Variants in MAST2 observed in about 807,000 individuals in gnomAD.
The protein encoded by MAST2 is microtubule-associated serine/threonine-protein kinase 2.
A neutral mutation model predicts 147.4 loss-of-function variants in MAST2; 70 were observed. The observed-to-expected ratio is 0.47, with a 90% CI of 0.39 to 0.58. The LOEUF is 0.58. Ranked by LOEUF, MAST2 falls within the 20% of genes least tolerant of loss-of-function variation. MAST2 has a pLI of 0.00. For synonymous variants in MAST2, 869 were observed against 896.8 expected (o/e 0.97, Z 0.55); for missense variants, 2,080 against 2,302.3 (o/e 0.90, Z 1.98).
Position 46,032,730 on chromosome 1 carries a change from G to GC in MAST2, c.3537+13dup. 6.2e-7 allele frequency: 1 copy of GC among 1,609,940 alleles called. No individual in the cohort carries two copies. Among genetic ancestry groups the GC allele is most frequent in the Non-Finnish European group, 8.5e-7 (1 of 1,177,362 alleles). On this transcript the variant is annotated intron_variant, in intron 26 of 28. Coordinates refer to ENST00000361297, the MANE Select transcript of MAST2 (RefSeq NM_015112.3). Reference sequence around the variant, plus strand: ...AGCTGATCCTGAAGGTTAGTGCTGGGCGTGCTGCCTGCATGGTCCCTGAAT... The same window carrying GC: ...AGCTGATCCTGAAGGTTAGTGCTGGGCCGTGCTGCCTGCATGGTCCCTGAAT...
At chr1:46,008,980 A>G (rs908756496) in intron 9 of MAST2, among the ~76,000 whole-genome samples, 4 of 152,246 alleles carry the variant, frequency 2.6e-5, no homozygotes, top group African/African-American at 9.6e-5. Context: ...ATAGCTGAGA[A>G]GTAGCATTCG....
At chr1:45,969,976 A>G (rs565242858) in intron 5 of MAST2, among the ~76,000 whole-genome samples, 2 of 152,208 alleles carry the variant, frequency 1.3e-5, no homozygotes, top group East Asian at 1.9e-4. Context: ...TTTCCCCCAC[A>G]CCATAGCTGG....
At chr1:45,939,291 G>C (rs1156942657) in intron 4 of MAST2, among the ~76,000 whole-genome samples, 4 of 152,168 alleles carry the variant, frequency 2.6e-5, no homozygotes, top group Non-Finnish European at 2.9e-5. Context: ...GAATCCTCTT[G>C]ACACCTTTGT....
chr1:45,813,483 C>T (rs1472907701), intron 1 of MAST2, among the ~76,000 whole-genome samples: 2 of 148,464 alleles, frequency 1.3e-5, no homozygotes, highest in African/African-American at 5.0e-5. Context: ...GCAGCCGCCA[C>T]CACGCCTGGC....
intron 6 of MAST2, among the ~76,000 whole-genome samples, chr1:45,998,190 T>C (rs1007695113): frequency 1.3e-5 from 2 of 152,230 alleles, no homozygotes; most frequent in African/African-American, 2.4e-5. Context: ...CCCAAAGTTA[T>C]ACTCTTTGTC....
intron 3 of MAST2, among the ~76,000 whole-genome samples, chr1:45,867,889 A>G (rs1375524561): frequency 6.6e-6 from 1 of 152,172 alleles, no homozygotes; most frequent in African/African-American, 2.4e-5. Flanking sequence ...TGGGTTTCAG[A>G]GTTGGGTAGT....
At chr1:45,962,265 T>C (rs1660533620) in intron 5 of MAST2, among the ~76,000 whole-genome samples, 1 of 152,196 alleles carries the variant, frequency 6.6e-6, no homozygotes, top group African/African-American at 2.4e-5. Flanking sequence ...GCATGATTTA[T>C]AGTCCTTTGG....
chr1:45,869,417 A>T (rs1646289974), intron 3 of MAST2, among the ~76,000 whole-genome samples: 1 of 152,200 alleles, frequency 6.6e-6, no homozygotes, highest in African/African-American at 2.4e-5. Flanking sequence ...TCTGAATTAA[A>T]TTCTGGTGTT....
chr1:45,896,531 A>C (rs1648760104), intron 4 of MAST2, among the ~76,000 whole-genome samples: 2 of 152,136 alleles, frequency 1.3e-5, no homozygotes, highest in South Asian at 4.1e-4. Flanking sequence ...TGGAAGCTTC[A>C]TGAAGTCAAT....
intron 4 of MAST2, among the ~76,000 whole-genome samples, chr1:45,936,236 G>A (rs1440779210): frequency 6.6e-6 from 1 of 152,138 alleles, no homozygotes; most frequent in Non-Finnish European, 1.5e-5. Context: ...ATTTTTGTAT[G>A]TTGATTTTGT....
chr1:45,933,199 G>A (rs1348569468), intron 4 of MAST2, among the ~76,000 whole-genome samples: 2 of 131,468 alleles, frequency 1.5e-5, no homozygotes, highest in African/African-American at 5.7e-5. Flanking sequence ...CTCCAGCCTG[G>A]GCAACAGAGC....
At chr1:45,987,315 T>A (rs1353824857) in intron 5 of MAST2, among the ~76,000 whole-genome samples, 1 of 152,140 alleles carries the variant, frequency 6.6e-6, no homozygotes, top group African/African-American at 2.4e-5. Flanking sequence ...ATGTTCTTTG[T>A]TGGGTTTTTT....
At chr1:45,911,165 T>A (rs1033309943) in intron 4 of MAST2, among the ~76,000 whole-genome samples, 5 of 152,168 alleles carry the variant, frequency 3.3e-5, no homozygotes, top group Non-Finnish European at 5.9e-5. Flanking sequence ...TTGAGCCCTG[T>A]CACCAGTCCC....
chr1:45,852,123 A>G (rs1308106789), intron 3 of MAST2, among the ~76,000 whole-genome samples: 3 of 152,130 alleles, frequency 2.0e-5, no homozygotes, highest in Non-Finnish European at 4.4e-5. Flanking sequence ...ATCATTAACT[A>G]GATTATAGCC....
intron 3 of MAST2, among the ~76,000 whole-genome samples, chr1:45,868,526 C>G (rs1276016792): frequency 6.7e-6 from 1 of 149,820 alleles, no homozygotes; most frequent in Non-Finnish European, 1.5e-5. Flanking sequence ...TTTTTATGCA[C>G]CCCCCCCAAC....
intron 8 of MAST2, 32 bp downstream of exon 8, chr1:46,006,427 C>G: frequency 4.4e-6 from 7 of 1,592,766 alleles, no homozygotes; most frequent in Non-Finnish European, 6.0e-6. Flanking sequence ...TGTTCCAGTG[C>G]ATGTGGATTT....
chr1:45,940,415 G>C (rs963124751), intron 4 of MAST2, among the ~76,000 whole-genome samples: 4 of 152,076 alleles, frequency 2.6e-5, no homozygotes, highest in Non-Finnish European at 5.9e-5. Context: ...GAGTGGGGTT[G>C]CCTTCCTAAT....
rs1253771276 is a variant in MAST2, at chr1:45,861,984, G to A, written c.469-20380G>A. On this transcript the variant is annotated intron_variant, in intron 3 of 28. Coordinates refer to ENST00000361297, the MANE Select transcript of MAST2 (RefSeq NM_015112.3). Reference sequence around the variant, plus strand: ...CTATCTTTTCTTGGCTTCTTTAATAGCATTTGCAGTCTTGATTTCCTTCCA... The same window carrying A: ...CTATCTTTTCTTGGCTTCTTTAATAACATTTGCAGTCTTGATTTCCTTCCA... 5.9e-5 allele frequency among the ~76,000 whole-genome samples: 9 copies of A among 152,134 alleles called. No individual in the cohort carries two copies. The East Asian group carries it at 1.2e-3, about 19-fold the overall frequency.
At chr1:45,944,864 TTG>T (rs1657813620) in intron 4 of MAST2, among the ~76,000 whole-genome samples, 1 of 152,240 alleles carries the variant, frequency 6.6e-6, no homozygotes, top group Non-Finnish European at 1.5e-5. Flanking sequence ...CCAAAATATG[TTG>T]TGAGTTCTCT....
Sources: allele counts gnomAD v4.1 joint callset (sites outside exome capture counted in the v4.1 genomes callset), GRCh38; gene constraint gnomAD v4.1.1; transcripts MANE v1.5; gene names NCBI Gene and HGNC (gene_info 2026-07-23, HGNC 2026-07-21).